The following KCNG2 variants were observed in gnomAD, a reference collection of about 807,000 sequenced individuals.
The protein encoded by KCNG2 is voltage-gated potassium channel regulatory subunit KCNG2.
Under a neutral mutation model 12.3 loss-of-function variants are expected in KCNG2, and 7 were observed. The ratio of observed to expected loss-of-function variants is 0.57; its 90% CI spans 0.32 to 1.07. The LOEUF is 1.07. Among genes scored for constraint, KCNG2 ranks in the 50% least tolerant of loss-of-function variants. KCNG2 has a pLI of 0.04. For synonymous variants in KCNG2, 414 were observed against 351.4 expected (o/e 1.18, Z -1.99); for missense variants, 703 against 726.0 (o/e 0.97, Z 0.36).
intron 1 of KCNG2, among the ~76,000 whole-genome samples, chr18:79,854,252 CCT>C (rs1225369209): frequency 2.6e-5 from 4 of 152,236 alleles, no homozygotes; most frequent in African/African-American, 9.6e-5. Flanking sequence ...GCCCCCAGCC[CCT>C]GTGTGAGGGC....
intron 3 of KCNG2, among the ~76,000 whole-genome samples, chr18:79,878,909 G>A (rs1258354617): frequency 3.9e-5 from 6 of 152,242 alleles, no homozygotes; most frequent in South Asian, 4.1e-4. Context: ...ACCATGGGCC[G>A]CTCTGGAGGC....
Position 79,884,254 on chromosome 18 carries a change from C to T in KCNG2, c.625-14786C>T, listed in dbSNP as rs1015782456. ...ATGTCCCTGTTCTCAGCCCTCCTCC[C>T]GCCCCTCCCTGTGGGCCCCACACCT... On this transcript the variant is annotated intron_variant, in intron 3 of 3. Transcript: ENST00000316249. The surrounding 1 kb of genome is among the most constrained non-coding windows in gnomAD (Gnocchi z 5.5). 2.0e-5 allele frequency among the ~76,000 whole-genome samples: 3 copies of T among 152,102 alleles called. No individual in the cohort carries two copies. Among genetic ancestry groups the T allele is most frequent in the Non-Finnish European group, 4.4e-5 (3 of 68,000 alleles).
rs1331069133 is a variant in KCNG2, at chr18:79,800,146, T to C, written c.-115+2132T>C. Among the ~76,000 whole-genome samples, 1 of 146,678 alleles carries C rather than the reference T, an allele frequency of 6.8e-6. No individual in the cohort carries two copies. Among genetic ancestry groups the C allele is most frequent in the East Asian group, 2.0e-4 (1 of 4,932 alleles). On this transcript the variant is annotated intron_variant, in intron 1 of 3. Transcript: ENST00000316249. This position sits in a 1 kb window ranked among gnomAD's most constrained non-coding sequence, Gnocchi z 4.0. Reference sequence around the variant, plus strand: ...CGTCTCTCTGCAGCCCTGGCAGGCGTGGGGGCGGGAGTGAAGGGAGCAGAT... The same window carrying C: ...CGTCTCTCTGCAGCCCTGGCAGGCGCGGGGGCGGGAGTGAAGGGAGCAGAT...
In KCNG2 at chr18:79,899,457, G is replaced by A. The variant is rs1377381404; in HGVS notation, c.1042G>A (p.Gly348Ser). 2.5e-6 allele frequency: 4 copies of A among 1,602,476 alleles called. No homozygotes were observed. Among genetic ancestry groups the A allele is most frequent in the Non-Finnish European group, 3.4e-6 (4 of 1,175,966 alleles). ...PLVHLAEREL[G>S]ARRDFSSVPA... Reference sequence around the variant, plus strand: ...GGTGCACCTGGCCGAGCGCGAGCTGGGCGCGCGCCGCGACTTCTCCAGCGT... The same window carrying A: ...GGTGCACCTGGCCGAGCGCGAGCTGAGCGCGCGCCGCGACTTCTCCAGCGT... Residue 348 changes from glycine to serine, a missense_variant, in exon 4 of 4, where the codon GGC becomes AGC. Physicochemically the swap from Gly to Ser is moderately conservative, Grantham distance 56. Coordinates refer to ENST00000316249, the MANE Select transcript of KCNG2 (RefSeq NM_012283.2).
chr18:79,805,683 T>G (rs2087444101), intron 1 of KCNG2, among the ~76,000 whole-genome samples: 1 of 152,210 alleles, frequency 6.6e-6, no homozygotes, highest in Non-Finnish European at 1.5e-5. Flanking sequence ...TGCAGCCTCT[T>G]CACCTGACGG....
rs1555694578 is a variant in KCNG2 at position 79,865,894 on chromosome 18, C to CTGTGCTGAGAGGTCTG, written c.624+1615_624+1630dup. 2.2e-4 allele frequency among the ~76,000 whole-genome samples: 11 copies of CTGTGCTGAGAGGTCTG among 50,328 alleles called. 1 individual carries two copies. Among genetic ancestry groups the CTGTGCTGAGAGGTCTG allele is most frequent in the Non-Finnish European group, 1.2e-4 (2 of 16,842 alleles). 33.0% of individuals were successfully genotyped at this position (50,328 alleles called of 152,430 possible). On this transcript the variant is annotated intron_variant, in intron 3 of 3. Coordinates refer to ENST00000316249, the MANE Select transcript of KCNG2 (RefSeq NM_012283.2). Reference sequence around the variant, plus strand: ...GGCTGAAGTCTGGGTGCTGAGAAGTCTGTGCTGAGAGGTCTGTGTGCTGAG... The same window carrying CTGTGCTGAGAGGTCTG: ...GGCTGAAGTCTGGGTGCTGAGAAGTCTGTGCTGAGAGGTCTGTGTGCTGAGAGGTCTGTGTGCTGAG...
intron 3 of KCNG2, among the ~76,000 whole-genome samples, chr18:79,889,273 G>A (rs1980663677): frequency 6.6e-6 from 1 of 152,152 alleles, no homozygotes; most frequent in African/African-American, 2.4e-5. Context: ...TGTAACTTTA[G>A]CACCCACATT....
intron 1 of KCNG2, among the ~76,000 whole-genome samples, chr18:79,853,376 G>A (rs765858833): frequency 2.0e-5 from 3 of 152,168 alleles, no homozygotes; most frequent in Non-Finnish European, 4.4e-5. Flanking sequence ...ACCATGGGGT[G>A]AGGGGTCACC....
At chr18:79,845,735 C>T (rs1030390547) in intron 1 of KCNG2, among the ~76,000 whole-genome samples, 1 of 152,174 alleles carries the variant, frequency 6.6e-6, no homozygotes, top group East Asian at 1.9e-4. Flanking sequence ...TCATTTTATA[C>T]ACGTGTGTAT....
At chr18:79,835,576 G>T (rs559563374) in intron 1 of KCNG2, among the ~76,000 whole-genome samples, 13 of 152,346 alleles carry the variant, frequency 8.5e-5, no homozygotes, top group Middle Eastern at 6.8e-3. Flanking sequence ...CGGAGTAGAC[G>T]TATAAAAGAG....
intron 3 of KCNG2, among the ~76,000 whole-genome samples, chr18:79,881,585 A>ATTT (rs1980298388): frequency 6.6e-6 from 1 of 152,242 alleles, no homozygotes. Flanking sequence ...TTACAGCTAA[A>ATTT]TACAGCTGAT....
intron 1 of KCNG2, among the ~76,000 whole-genome samples, chr18:79,846,092 G>C (rs982680352): frequency 4.7e-5 from 7 of 149,612 alleles, no homozygotes; most frequent in African/African-American, 1.7e-4. Flanking sequence ...CTCTGTCTTG[G>C]CTGGGCGCGG....
chr18:79,874,078 T>C (rs1012357473), intron 3 of KCNG2, among the ~76,000 whole-genome samples: 2 of 152,236 alleles, frequency 1.3e-5, no homozygotes. Context: ...AGGCAGGCGC[T>C]GTCTCCTGAC....
intron 3 of KCNG2, among the ~76,000 whole-genome samples, chr18:79,897,629 C>T (rs1428073095): frequency 1.3e-5 from 2 of 151,998 alleles, no homozygotes; most frequent in African/African-American, 4.8e-5. Context: ...TTCTTCCTTC[C>T]CTCCTCCTCC....
chr18:79,812,753 C>T (rs1249270008), intron 1 of KCNG2, among the ~76,000 whole-genome samples: 1 of 152,156 alleles, frequency 6.6e-6, no homozygotes, highest in African/African-American at 2.4e-5. Context: ...CCCAGCTACT[C>T]AGGAGGCTGA....
At chr18:79,834,802 A>G (rs963358902) in intron 1 of KCNG2, among the ~76,000 whole-genome samples, 2 of 152,224 alleles carry the variant, frequency 1.3e-5, no homozygotes, top group African/African-American at 4.8e-5. Flanking sequence ...TCCCACAGGA[A>G]ACATTCTTGA....
At chr18:79,883,603 G>A (rs1455094919) in intron 3 of KCNG2, among the ~76,000 whole-genome samples, 3 of 152,350 alleles carry the variant, frequency 2.0e-5, no homozygotes, top group East Asian at 1.9e-4. Context: ...CTTGTCTGGT[G>A]GGGACAGGGC....
At chr18:79,888,429 G>T (rs1980619519) in intron 3 of KCNG2, among the ~76,000 whole-genome samples, 1 of 141,280 alleles carries the variant, frequency 7.1e-6, no homozygotes, top group African/African-American at 2.5e-5. Context: ...TGAGGCCGCG[G>T]TGGGGCCGGG....
chr18:79,836,481 G>T (rs1470737183), intron 1 of KCNG2, among the ~76,000 whole-genome samples: 1 of 152,156 alleles, frequency 6.6e-6, no homozygotes, highest in Non-Finnish European at 1.5e-5. Flanking sequence ...TCAACAAAAG[G>T]AGAATATTCC....
Sources: allele counts gnomAD v4.1 joint callset (sites outside exome capture counted in the v4.1 genomes callset), GRCh38; gene constraint gnomAD v4.1.1; non-coding constraint Gnocchi (gnomAD v3.1); transcripts MANE v1.5; gene names NCBI Gene and HGNC (gene_info 2026-07-23, HGNC 2026-07-21).